TENM2: variants seen among roughly 807,000 people sequenced by gnomAD.
The protein encoded by TENM2 is teneurin transmembrane protein 2.
A neutral mutation model predicts 245.2 loss-of-function variants in TENM2; 52 were observed. The ratio of observed to expected loss-of-function variants is 0.21; its 90% CI spans 0.17 to 0.27. The LOEUF (loss-of-function observed/expected upper bound fraction) is 0.27. Among genes scored for constraint, TENM2 ranks in the 10% least tolerant of loss-of-function variants. The pLI, the probability that TENM2 is intolerant of heterozygous loss-of-function variation, is 1.00. For synonymous variants in TENM2, 1,363 were observed against 1,438.9 expected (o/e 0.95, Z 1.19); for missense variants, 3,046 against 3,666.8 (o/e 0.83, Z 4.37).
At chr5:167,284,358 AG>A (rs960346542), upstream of TENM2, among the ~76,000 whole-genome samples, 13 of 151,720 alleles carry the variant, frequency 8.6e-5, no homozygotes, top group East Asian at 1.9e-4. Context: ...TTTCTTTTGG[AG>A]GGGGGGTGGT....
At chr5:167,083,355 A>G in the TENM2 span, among the ~76,000 whole-genome samples, 15 of 152,236 alleles carry the variant, frequency 9.9e-5, no homozygotes, top group South Asian at 1.0e-3. Context: ...TGGCTTCCTT[A>G]TTACTAAATC....
chr5:167,870,581 ATATATATGTATATATATGTG>A (rs1561877765), intron 2 of TENM2, among the ~76,000 whole-genome samples: 1 of 139,536 alleles, frequency 7.2e-6, no homozygotes, highest in African/African-American at 2.7e-5. Flanking sequence ...GTGTGTGTAT[ATATATATGTATATATATGTG>A]TATATATGTA....
At chr5:167,230,132 C>G in the TENM2 span, among the ~76,000 whole-genome samples, 2 of 152,062 alleles carry the variant, frequency 1.3e-5, no homozygotes, top group African/African-American at 4.8e-5. Flanking sequence ...GCTTAGGGCT[C>G]GGGGGCTTGT....
intron 2 of TENM2, among the ~76,000 whole-genome samples, chr5:167,445,328 T>TAGAGAG (rs1324065066): frequency 2.4e-3 from 81 of 33,102 alleles, no homozygotes; most frequent in East Asian, 0.02. Flanking sequence ...TATATATATA[T>TAGAGAG]ATATATATAG....
chr5:168,050,834 C>T lies in TENM2; in HGVS notation c.1309+3285C>T, dbSNP rs114340325. Among the ~76,000 whole-genome samples the T allele has an allele frequency of 5.4e-3, 816 of 152,256 alleles. 4 individuals are homozygous for T. Among genetic ancestry groups the T allele is most frequent in the African/African-American group, 0.019 (782 of 41,546 alleles). ...GTTTTCCATTTGTTGTTGTTCGAGT[C>T]TTATTTTTCTTTCTTCCACTCTCCT... is the stretch of plus-strand genomic sequence containing the variant. On this transcript the variant is annotated intron_variant, in intron 6 of 28. Coordinates refer to ENST00000518659, the Ensembl canonical transcript of TENM2.
Position 168,190,424 on chromosome 5 carries a change from T to G in TENM2, c.2657T>G (p.Leu886Arg), listed in dbSNP as rs372062952. The stretch of plus-strand genomic sequence containing the variant: ...CTCTGCCGGGGGTCCCGGGACCCAC[T>G]GGACATCATTCAGCAGGGCCAGACG... The change falls in exon 14 of 29, where the codon CTG becomes CGG. Residue 886 changes from leucine (L) to arginine (R), a missense_variant. Leu to Arg is a moderately radical substitution (Grantham distance 102). This residue lies in a region of TENM2 where 2,704 missense variants were observed against 3,331.9 expected (regional missense o/e 0.81). Transcript: ENST00000518659. 132 of 1,613,856 alleles carry G rather than the reference T, an allele frequency of 8.2e-5. No homozygotes were observed. Among genetic ancestry groups the G allele is most frequent in the Non-Finnish European group, 1.0e-4 (123 of 1,179,844 alleles).
chr5:167,579,947 A>G (rs779254136), intron 2 of TENM2, among the ~76,000 whole-genome samples: 4 of 152,212 alleles, frequency 2.6e-5, no homozygotes, highest in Non-Finnish European at 5.9e-5. Context: ...GATTTCTGTA[A>G]TTGGAGACAA....
intron 6 of TENM2, among the ~76,000 whole-genome samples, chr5:168,053,678 A>G (rs1473941946): frequency 6.6e-6 from 1 of 152,238 alleles, no homozygotes; most frequent in Non-Finnish European, 1.5e-5. Flanking sequence ...GAGGACATAC[A>G]TGGGTTATGT....
intron 2 of TENM2, among the ~76,000 whole-genome samples, chr5:167,863,481 AC>A (rs1561869376): frequency 2.2e-4 from 33 of 151,638 alleles, no homozygotes; most frequent in African/African-American, 8.0e-4. Context: ...ACACACACAC[AC>A]ACACACACAA....
At position 167,467,509 on chromosome 5, in the gene TENM2, T is replaced by C. The variant is rs552305136; in HGVS notation, c.502+92036T>C. Among the ~76,000 whole-genome samples, 8 of 59,558 alleles carry C rather than the reference T, an allele frequency of 1.3e-4. No homozygotes were observed. In the East Asian group the frequency reaches 2.9e-3, roughly 21 times the overall value. 39.1% of individuals were successfully genotyped at this position (59,558 alleles called of 152,430 possible). A position where few individuals can be genotyped will look rare whatever the true frequency, so the allele number is the denominator to read the frequency against. The stretch of plus-strand genomic sequence containing the variant: ...AGGTAAGATAGGTCATTATTACTCT[T>C]GTTTGAGAAAAAAAAAAAAAAACAG... On this transcript the variant is annotated intron_variant, in intron 2 of 28. Coordinates refer to ENST00000518659, the Ensembl canonical transcript of TENM2.
chr5:167,004,981 G>GAATA, the TENM2 span, among the ~76,000 whole-genome samples: 1 of 151,760 alleles, frequency 6.6e-6, no homozygotes, highest in Non-Finnish European at 1.5e-5. Context: ...AATAGAGTCC[G>GAATA]AATAAATAAA....
intron 2 of TENM2, among the ~76,000 whole-genome samples, chr5:167,415,558 TTC>T (rs1403080370): frequency 2.0e-5 from 3 of 152,148 alleles, no homozygotes; most frequent in African/African-American, 7.2e-5. Flanking sequence ...GAACTCTGAT[TTC>T]TCTTACTCTT....
In TENM2 at chr5:167,321,785, A is replaced by ATT. The variant is rs1314778203; in HGVS notation, c.226+36737_226+36738dup. On this transcript the variant is annotated intron_variant, in intron 1 of 28. Coordinates refer to ENST00000518659, the Ensembl canonical transcript of TENM2. ...ATCTGTTGTCTTGCTGCCTTGGCTT[A>ATT]TTTTTTTTTTTTTTTTGGGGGGGGG... Among the ~76,000 whole-genome samples the ATT allele has an allele frequency of 9.5e-5, 6 of 62,844 alleles. 1 individual carries two copies. Among genetic ancestry groups the ATT allele is most frequent in the African/African-American group, 2.5e-4 (4 of 16,310 alleles). The allele number at this position is 62,844 out of a possible 152,430, so 41.2% of individuals were successfully genotyped here.
At chr5:167,874,518 C>G (rs1255002220) in intron 2 of TENM2, among the ~76,000 whole-genome samples, 5 of 152,160 alleles carry the variant, frequency 3.3e-5, no homozygotes, top group Non-Finnish European at 5.9e-5. Context: ...ACTTGCATTG[C>G]AACACTCACC....
intron 12 of TENM2, among the ~76,000 whole-genome samples, chr5:168,156,768 A>G (rs562123359): frequency 3.8e-4 from 57 of 151,676 alleles, no homozygotes; most frequent in African/African-American, 1.3e-3. Context: ...AAACTCTCTC[A>G]TTTCCACTCT....
chr5:167,262,406 G>A, the TENM2 span, among the ~76,000 whole-genome samples: 2 of 150,396 alleles, frequency 1.3e-5, no homozygotes, highest in African/African-American at 4.9e-5. Flanking sequence ...TTTTGGGGGG[G>A]CGGTGCACAA....
At chr5:167,644,400 G>T (rs536821343) in intron 2 of TENM2, among the ~76,000 whole-genome samples, 1 of 152,100 alleles carries the variant, frequency 6.6e-6, no homozygotes, top group Admixed American at 6.6e-5. Flanking sequence ...TCTTTCCCTG[G>T]GATGAGAGAA....
In TENM2 at chr5:168,030,158, C is replaced by CTTTTTTTTTTTTT. The variant is rs540326142; in HGVS notation, c.1187-17252_1187-17240dup. ...CTTTGGCCCAAGTCTGGTTCTGGCT[C>CTTTTTTTTTTTTT]TTTTTTTTTTTTTTTTTTTTTTTTT... On this transcript the variant is annotated intron_variant, in intron 5 of 28. Transcript: ENST00000518659. Among the ~76,000 whole-genome samples the CTTTTTTTTTTTTT allele has an allele frequency of 9.2e-5, 6 of 65,290 alleles. 1 individual carries two copies. Among genetic ancestry groups the CTTTTTTTTTTTTT allele is most frequent in the East Asian group, 8.8e-4 (1 of 1,130 alleles). 42.8% of individuals were successfully genotyped at this position (65,290 alleles called of 152,430 possible). A position where few individuals can be genotyped will look rare whatever the true frequency, so the allele number is the denominator to read the frequency against.
At chr5:167,247,411 G>T in the TENM2 span, among the ~76,000 whole-genome samples, 2 of 152,008 alleles carry the variant, frequency 1.3e-5, no homozygotes, top group Non-Finnish European at 2.9e-5. Context: ...GTTTAATATC[G>T]AAGCCTTTTG....
Sources: allele counts gnomAD v4.1 joint callset (sites outside exome capture counted in the v4.1 genomes callset), GRCh38; gene constraint gnomAD v4.1.1; regional missense constraint gnomAD v4.1.1; transcripts MANE v1.5; gene names NCBI Gene and HGNC (gene_info 2026-07-23, HGNC 2026-07-21).